Variants in HACL1 observed in about 807,000 individuals in gnomAD.
HACL1 encodes 2-hydroxyacyl-CoA lyase 1.
In HACL1, 64 loss-of-function variants were observed where a neutral mutation model predicts 74.2. The ratio of observed to expected loss-of-function variants is 0.86; its 90% CI spans 0.70 to 1.06. The LOEUF is 1.06. HACL1 is among the 50% of genes least tolerant of loss of function. The probability of loss-of-function intolerance (pLI) is 0.00; values close to 1 mark genes in which losing one functional copy is unlikely to be tolerated. For synonymous variants in HACL1, 230 were observed against 238.8 expected, an observed-to-expected ratio of 0.96 and a Z score of 0.34; for missense variants, 728 against 719.7, an observed-to-expected ratio of 1.01 and a Z score of -0.13.
intron 4 of HACL1, among the ~76,000 whole-genome samples, chr3:15,590,303 C>G (rs778367930): frequency 2.0e-4 from 30 of 151,582 alleles, no homozygotes; most frequent in Non-Finnish European, 4.4e-4. Context: ...AAGTGACATT[C>G]CTCAGCAATG....
At chr3:15,591,507 G>T in intron 4 of HACL1, 93 bp downstream of exon 4, 4 of 622,972 alleles carry the variant, frequency 6.4e-6, no homozygotes, top group Admixed American at 3.2e-5. Flanking sequence ...TTTTTTCCAA[G>T]TCTTTCTACC....
chr3:15,595,080 T>C (rs921859672), intron 3 of HACL1, among the ~76,000 whole-genome samples: 9 of 152,126 alleles, frequency 5.9e-5, no homozygotes, highest in East Asian at 3.8e-4. Context: ...TGAGCCGAGA[T>C]TGCACCACTG....
chr3:15,590,752 A>G (rs2063876635), intron 4 of HACL1, among the ~76,000 whole-genome samples: 1 of 152,262 alleles, frequency 6.6e-6, no homozygotes, highest in African/African-American at 2.4e-5. Context: ...ACGTTCACAC[A>G]TACACACACA....
At chr3:15,588,136 T>C (rs151160185) in intron 5 of HACL1, among the ~76,000 whole-genome samples, 1 of 152,146 alleles carries the variant, frequency 6.6e-6, no homozygotes, top group Non-Finnish European at 1.5e-5. Flanking sequence ...TCAGGTGATC[T>C]ACACGCTTGG....
intron 10 of HACL1, among the ~76,000 whole-genome samples, chr3:15,574,354 C>T (rs1382981062): frequency 6.6e-6 from 1 of 152,104 alleles, no homozygotes; most frequent in Non-Finnish European, 1.5e-5. Context: ...GGTGACAGAG[C>T]CAAGATGCTG....
chr3:15,578,444 A>G (rs2063663467), intron 9 of HACL1, among the ~76,000 whole-genome samples: 1 of 152,228 alleles, frequency 6.6e-6, no homozygotes, highest in African/African-American at 2.4e-5. Context: ...TGAAGAAGCA[A>G]CCCACACAGA....
chr3:15,571,211 T>C (rs1038471241), intron 12 of HACL1, among the ~76,000 whole-genome samples: 9 of 151,880 alleles, frequency 5.9e-5, no homozygotes, highest in South Asian at 2.1e-4. Flanking sequence ...CAGGCCTCAA[T>C]TGATCTTACT....
chr3:15,567,702 C>G, intron 14 of HACL1, 142 bp downstream of exon 14: 2 of 720,414 alleles, frequency 2.8e-6, no homozygotes, highest in Non-Finnish European at 4.7e-6. Context: ...GTTACTGCCA[C>G]TAGCATCCTC....
In HACL1 at chr3:15,567,074, C is replaced by T. The variant is rs1227190251; in HGVS notation, c.1409+770G>A. Among the ~76,000 whole-genome samples the T allele has an allele frequency of 2.0e-5, 3 of 151,922 alleles. No homozygotes were observed. In the East Asian group the frequency reaches 5.8e-4, roughly 29 times the overall value. Reference sequence around the variant, plus strand: ...ACCTCAGGTGATCTGCCCACCTCAGCCACCCAAAGTGTTGGGATTACGGGC... The same window carrying T: ...ACCTCAGGTGATCTGCCCACCTCAGTCACCCAAAGTGTTGGGATTACGGGC... On this transcript the variant is annotated intron_variant, in intron 14 of 16. Coordinates refer to ENST00000321169, the MANE Select transcript of HACL1 (RefSeq NM_012260.4).
At chr3:15,567,633 G>T (rs112639692) in intron 14 of HACL1, among the ~76,000 whole-genome samples, 235 of 152,236 alleles carry the variant, frequency 1.5e-3, no homozygotes, top group African/African-American at 5.5e-3. Flanking sequence ...AGTTTTACAG[G>T]TTTTTACCAT....
intron 2 of HACL1, among the ~76,000 whole-genome samples, chr3:15,599,478 A>G (rs545018868): frequency 6.6e-6 from 1 of 152,176 alleles, no homozygotes; most frequent in Admixed American, 6.5e-5. Context: ...ACCTGTTTAG[A>G]AAAACCTTTA....
At chr3:15,591,756 GC>G in intron 3 of HACL1, 76 bp from the exon 4 acceptor site, 2 of 887,768 alleles carry the variant, frequency 2.3e-6, no homozygotes, top group Non-Finnish European at 3.6e-6. Context: ...GTGAAACATG[GC>G]AATCTTGGAC....
chr3:15,596,398 TC>T lies in HACL1; in HGVS notation c.212del (p.Gly71AspfsTer3). ...TTTTAGTTTACCTGCTTGTCAGATA[TC>T]CAATCGCGGAGGCAGCATAACAAGC... Reference protein sequence around the residue: ...QAACYAASAIGYLTSRPGVCL... With the variant: ...QAACYAASAIXYLTSRPGVCL... On this transcript the variant is annotated frameshift_variant, in exon 3 of 17. Transcript: ENST00000321169. LOFTEE classifies it high-confidence loss of function. The T allele has an allele frequency of 6.3e-7, 1 of 1,595,422 alleles. No homozygotes were observed. The highest frequency in any genetic ancestry group is 8.6e-7 in the Non-Finnish European group (1 of 1,163,082).
intron 3 of HACL1, among the ~76,000 whole-genome samples, chr3:15,592,300 GTA>G (rs756110125): frequency 4.6e-5 from 6 of 130,018 alleles, no homozygotes; most frequent in African/African-American, 1.1e-4. Context: ...GTATACATAC[GTA>G]TATATATGTA....
intron 12 of HACL1, among the ~76,000 whole-genome samples, chr3:15,571,066 A>C (rs1210571808): frequency 1.3e-5 from 2 of 151,560 alleles, no homozygotes; most frequent in Admixed American, 6.6e-5. Context: ...TGCCACCTCA[A>C]CTCCTAGAGT....
chr3:15,598,017 TTTTG>T (rs1186773607), intron 2 of HACL1, among the ~76,000 whole-genome samples: 1 of 151,060 alleles, frequency 6.6e-6, no homozygotes, highest in Non-Finnish European at 1.5e-5. Flanking sequence ...TTTTGTTTTG[TTTTG>T]TTTTTTTTTT....
At chr3:15,563,906 C>A (rs1415087305) in intron 15 of HACL1, among the ~76,000 whole-genome samples, 1 of 152,096 alleles carries the variant, frequency 6.6e-6, no homozygotes, top group Non-Finnish European at 1.5e-5. Context: ...TTGCAGCATG[C>A]CTAGTGGCTA....
intron 2 of HACL1, among the ~76,000 whole-genome samples, chr3:15,599,877 A>G (rs2125300870): frequency 6.6e-6 from 1 of 152,376 alleles, no homozygotes; most frequent in Admixed American, 6.5e-5. Context: ...GTATGAAGAA[A>G]TCAGTGGCAG....
chr3:15,568,006 T>C lies in HACL1; in HGVS notation c.1251-4A>G, dbSNP rs780268689. 3 of 1,613,992 alleles carry C rather than the reference T, an allele frequency of 1.9e-6. No individual in the cohort carries two copies. The highest frequency in any genetic ancestry group is 2.5e-6 in the Non-Finnish European group (3 of 1,179,876). On this transcript the variant is annotated splice_region_variant and splice_polypyrimidine_tract_variant and intron_variant, in intron 13 of 16. Transcript: ENST00000321169. ...TCCGAAAGTACCAGCATCAAGCCTGTTGGAGAACAAAGTTAAAATGAAACC... is the reference window on the plus strand; with the variant it reads ...TCCGAAAGTACCAGCATCAAGCCTGCTGGAGAACAAAGTTAAAATGAAACC...
Sources: allele counts gnomAD v4.1 joint callset (sites outside exome capture counted in the v4.1 genomes callset), GRCh38; gene constraint gnomAD v4.1.1; transcripts MANE v1.5; gene names NCBI Gene and HGNC (gene_info 2026-07-23, HGNC 2026-07-21).